PAQR3: variants seen among roughly 807,000 people sequenced by gnomAD.
PAQR3 encodes the protein Raf kinase trapping to Golgi.
Under a neutral mutation model 41.7 loss-of-function variants are expected in PAQR3, and 39 were observed. That is an observed-to-expected ratio of 0.93 (90% CI 0.72 to 1.22). The LOEUF (loss-of-function observed/expected upper bound fraction) is 1.22, where lower values mean the gene tolerates loss of function less well. PAQR3 is among the 50% of genes most tolerant of loss of function. PAQR3 has a pLI of 0.00. For missense variants in PAQR3, 366 were observed against 385.6 expected, an observed-to-expected ratio of 0.95 and a Z score of 0.42; for synonymous variants, 140 against 140.6, an observed-to-expected ratio of 1.00 and a Z score of 0.03.
At chr4:78,910,831 G>A (rs1256059536), downstream of PAQR3, 1 of 1,612,884 alleles carries the variant, frequency 6.2e-7, no homozygotes, top group African/African-American at 1.3e-5. Context: ...GCAAGATGAT[G>A]AAGAAGTTCT....
intron 1 of PAQR3, among the ~76,000 whole-genome samples, chr4:78,935,675 G>T (rs553471555): frequency 2.6e-5 from 4 of 152,268 alleles, no homozygotes; most frequent in African/African-American, 7.2e-5. Flanking sequence ...AGAAATGAAC[G>T]TGCAGAGGAA....
intron 1 of PAQR3, among the ~76,000 whole-genome samples, chr4:78,936,012 C>T (rs1360027967): frequency 6.6e-6 from 1 of 152,154 alleles, no homozygotes; most frequent in African/African-American, 2.4e-5. Flanking sequence ...GCTAACTGGA[C>T]TTGGCAGCAC....
intron 5 of PAQR3, chr4:78,922,972 T>G (rs770985629): frequency 2.2e-6 from 1 of 456,178 alleles, no homozygotes; most frequent in South Asian, 1.6e-5. Flanking sequence ...ATTTTCCATC[T>G]GAAAATATTT....
At position 78,920,519 on chromosome 4, in the gene PAQR3, A is replaced by C; in HGVS notation, c.*20T>G. The C allele has an allele frequency of 6.2e-7, 1 of 1,602,012 alleles. No homozygotes were observed. The highest frequency in any genetic ancestry group is 8.5e-7 in the Non-Finnish European group (1 of 1,174,260). On this transcript the variant is annotated 3_prime_UTR_variant, in exon 6 of 6. Coordinates refer to ENST00000512733, the MANE Select transcript of PAQR3 (RefSeq NM_001040202.2). ...TATATATTGCTTAACAACTGAATTC[A>C]CCAGGTGGCCATACCTAATTCACAA...
At chr4:78,903,748 C>T (rs984831338) in intron 11 of PAQR3, among the ~76,000 whole-genome samples, 2 of 151,940 alleles carry the variant, frequency 1.3e-5, no homozygotes, top group Admixed American at 6.6e-5. Context: ...AAAGAGTCTT[C>T]ATCCTGTTCG....
intron 2 of PAQR3, among the ~76,000 whole-genome samples, chr4:78,932,706 A>G (rs949934182): frequency 6.6e-6 from 1 of 152,184 alleles, no homozygotes; most frequent in Admixed American, 6.5e-5. Context: ...TTCATTGTGA[A>G]AAAGAAAATA....
At chr4:78,904,126 T>A (rs1734162765) in intron 11 of PAQR3, among the ~76,000 whole-genome samples, 1 of 151,944 alleles carries the variant, frequency 6.6e-6, no homozygotes, top group Non-Finnish European at 1.5e-5. Flanking sequence ...AGCCAAGGAC[T>A]GAGTTTTGAG....
intron 5 of PAQR3, 41 bp from the exon 6 acceptor site, chr4:78,920,722 T>A: frequency 6.4e-7 from 1 of 1,572,366 alleles, no homozygotes; most frequent in Non-Finnish European, 8.6e-7. Flanking sequence ...GATTTCAATA[T>A]GTTGACATTA....
chr4:78,937,715 G>A (rs1399574185), intron 1 of PAQR3, among the ~76,000 whole-genome samples: 2 of 152,170 alleles, frequency 1.3e-5, no homozygotes, highest in Non-Finnish European at 2.9e-5. Context: ...AGGTCTCAGA[G>A]CTGTTAAGTG....
Position 78,922,454 on chromosome 4 carries a change from A to T in PAQR3, c.793+1403T>A, listed in dbSNP as rs945645143. ...CAGGAAGAAGAGGGGATAAATTTGCAGTTTAGATTTAAACTGCTCCCTGAC... is the reference window on the plus strand; with the variant it reads ...CAGGAAGAAGAGGGGATAAATTTGCTGTTTAGATTTAAACTGCTCCCTGAC... On this transcript the variant is annotated intron_variant, in intron 5 of 5. Coordinates refer to ENST00000512733, the MANE Select transcript of PAQR3 (RefSeq NM_001040202.2). The T allele has an allele frequency of 4.7e-6, 6 of 1,285,842 alleles. No individual in the cohort carries two copies. In the South Asian group the frequency reaches 7.4e-5, roughly 16 times the overall value. The allele number at this position is 1,285,842 out of a possible 1,614,324, so 79.7% of individuals were successfully genotyped here. A position where few individuals can be genotyped will look rare whatever the true frequency, so the allele number is the denominator to read the frequency against.
intron 11 of PAQR3, among the ~76,000 whole-genome samples, chr4:78,893,266 G>A (rs918253602): frequency 9.2e-5 from 14 of 152,272 alleles, no homozygotes; most frequent in Middle Eastern, 3.4e-3. Context: ...GTTTGATTAC[G>A]AGACTGCAAC....
At chr4:78,926,052 G>C (rs553275499) in intron 4 of PAQR3, among the ~76,000 whole-genome samples, 1 of 152,204 alleles carries the variant, frequency 6.6e-6, no homozygotes, top group Non-Finnish European at 1.5e-5. Context: ...TGAAATCCCA[G>C]ATCCTATCTC....
At chr4:78,888,278 CATAATT>C (rs1478811090) in intron 11 of PAQR3, 1 of 152,210 alleles carries the variant, frequency 6.6e-6, no homozygotes, top group Non-Finnish European at 1.5e-5. Context: ...TCATAAATGA[CATAATT>C]AACTGGGGAA....
rs1734815720 is a variant in PAQR3, at chr4:78,913,792, C to G, written c.*6747G>C. ...AAATATAGATTTGTGGATAGGGAAG[C>G]AATATGTGAATCACAATGTAGCAGA... On this transcript the variant is annotated 3_prime_UTR_variant, in exon 6 of 6. Transcript: ENST00000512733. 6.6e-6 allele frequency: 1 copy of G among 151,950 alleles called. No homozygotes were observed. The highest frequency in any genetic ancestry group is 2.4e-5 in the African/African-American group (1 of 41,374). 9.4% of individuals were successfully genotyped at this position (151,950 alleles called of 1,614,324 possible). A position where few individuals can be genotyped will look rare whatever the true frequency, so the allele number is the denominator to read the frequency against.
rs114248105 is a variant in PAQR3, at chr4:78,888,943, C to T, written c.*837-795G>A. Among the ~76,000 whole-genome samples the T allele has an allele frequency of 4.5e-3, 684 of 152,186 alleles. 2 individuals are homozygous for T. The highest frequency in any genetic ancestry group is 0.016 in the African/African-American group (644 of 41,530). The stretch of plus-strand genomic sequence containing the variant: ...TTAAAAAAAATGCCCATTAATGGGC[C>T]GGGCGCGGTGGCTTGCGCCTGTAAT... On this transcript the variant is annotated intron_variant and NMD_transcript_variant, in intron 11 of 12. Coordinates refer to the PAQR3 transcript ENST00000342820.
At chr4:78,933,868 G>C (rs985738076) in intron 2 of PAQR3, among the ~76,000 whole-genome samples, 5 of 152,272 alleles carry the variant, frequency 3.3e-5, no homozygotes, top group African/African-American at 1.2e-4. Flanking sequence ...AATAGGCCTA[G>C]GGATGGAGGA....
Position 78,915,597 on chromosome 4 carries a change from T to TA in PAQR3, c.*4941dup, listed in dbSNP as rs1734978726. On this transcript the variant is annotated 3_prime_UTR_variant, in exon 6 of 6. Coordinates refer to ENST00000512733, the MANE Select transcript of PAQR3 (RefSeq NM_001040202.2). Reference sequence around the variant, plus strand: ...GATGAATAGTTTATTTGAGAACTTTTATACTCAGTGGTGTTTTATATATTA... The same window carrying TA: ...GATGAATAGTTTATTTGAGAACTTTTAATACTCAGTGGTGTTTTATATATTA... The TA allele has an allele frequency of 6.6e-6, 1 of 151,984 alleles. No homozygotes were observed. Among genetic ancestry groups the TA allele is most frequent in the African/African-American group, 2.4e-5 (1 of 41,430 alleles). 9.4% of individuals were successfully genotyped at this position (151,984 alleles called of 1,614,324 possible). A position where few individuals can be genotyped will look rare whatever the true frequency, so the allele number is the denominator to read the frequency against.
downstream of PAQR3, chr4:78,911,763 G>A: frequency 1.9e-6 from 3 of 1,613,988 alleles, no homozygotes; most frequent in Non-Finnish European, 2.5e-6. Context: ...TCGGTGCCAA[G>A]CCCTTCCATT....
chr4:78,937,057 G>C (rs1253593426), intron 1 of PAQR3, among the ~76,000 whole-genome samples: 1 of 152,190 alleles, frequency 6.6e-6, no homozygotes, highest in Admixed American at 6.5e-5. Context: ...AGTATCTTAA[G>C]CATACCCTGA....
Sources: gnomAD v4.1 joint callset for allele counts (sites outside exome capture counted in the v4.1 genomes callset) on GRCh38, gnomAD v4.1.1 for gene constraint, MANE v1.5 for transcripts, NCBI Gene and HGNC (gene_info 2026-07-23, HGNC 2026-07-21) for gene names.